ZNF718: variants seen among roughly 807,000 people sequenced by gnomAD.
ZNF718 encodes zinc finger protein 718.
Under a neutral mutation model 2.6 loss-of-function variants are expected in ZNF718, and 3 were observed. The observed-to-expected ratio is 1.16, with a 90% CI of 0.53 to 3.01. ZNF718 has a LOEUF of 3.01. Ranked by LOEUF, ZNF718 falls within the 30% of genes most tolerant of loss-of-function variation. ZNF718 has a pLI of 0.03. For missense variants in ZNF718, 468 were observed against 230.0 expected (o/e 2.03, Z -6.69); for synonymous variants, 135 against 77.9 (o/e 1.73, Z -3.86).
chr4:187,606 A>G (rs1412346026), intron 3 of ZNF718, among the ~76,000 whole-genome samples: 1 of 152,204 alleles, frequency 6.6e-6, no homozygotes, highest in Non-Finnish European at 1.5e-5. Flanking sequence ...GGCAGCATGC[A>G]CATTCCTCTG....
chr4:198,330 G>A (rs1247295014), intron 3 of ZNF718, among the ~76,000 whole-genome samples: 16 of 152,162 alleles, frequency 1.1e-4, no homozygotes, highest in Admixed American at 1.3e-4. Flanking sequence ...TCACAGGGAG[G>A]CATGAAGCCC....
At chr4:166,519 C>G (rs572826161), downstream of ZNF718, among the ~76,000 whole-genome samples, 1 of 152,302 alleles carries the variant, frequency 6.6e-6, no homozygotes, top group African/African-American at 2.4e-5. Context: ...CTGTTGTTTT[C>G]TGACTTTTTA....
At chr4:167,601 T>C (rs962163077), downstream of ZNF718, among the ~76,000 whole-genome samples, 1 of 152,168 alleles carries the variant, frequency 6.6e-6, no homozygotes, top group Non-Finnish European at 1.5e-5. Flanking sequence ...TATTTTATTC[T>C]CTTTGAAGCA....
At position 176,175 on chromosome 4, in the gene ZNF718, A is replaced by G. The variant is rs542366970; in HGVS notation, c.227-24906A>G. On this transcript the variant is annotated intron_variant and NMD_transcript_variant, in intron 3 of 4. Transcript: ENST00000642529. Reference sequence around the variant, plus strand: ...GCTCCACAAGCACTAATGTCTGCCAATTCCTCCTATGCCTCAACCCAGCTG... The same window carrying G: ...GCTCCACAAGCACTAATGTCTGCCAGTTCCTCCTATGCCTCAACCCAGCTG... 3.3e-5 allele frequency among the ~76,000 whole-genome samples: 5 copies of G among 152,226 alleles called. No homozygotes were observed. The East Asian group carries it at 5.8e-4, about 18-fold the overall frequency.
chr4:182,833 A>G (rs1255491889), intron 3 of ZNF718, among the ~76,000 whole-genome samples: 2 of 152,070 alleles, frequency 1.3e-5, no homozygotes, highest in Non-Finnish European at 2.9e-5. Context: ...TCCTTTGCCC[A>G]CTTTCAAATG....
Position 163,058 on chromosome 4 carries a change from T to C in ZNF718, c.*936T>C, listed in dbSNP as rs1553815975. On this transcript the variant is annotated 3_prime_UTR_variant, in exon 4 of 4. Transcript: ENST00000510175. ...TTTTTTTACCTGAAAAAATTATAGA[T>C]TTTTTGAAAAGCAAATTCAACTCTA... 1 of 152,224 alleles carries C rather than the reference T, an allele frequency of 6.6e-6. No homozygotes were observed. The highest frequency in any genetic ancestry group is 1.5e-5 in the Non-Finnish European group (1 of 68,036). The allele number at this position is 152,224 out of a possible 1,614,324, so 9.4% of individuals were successfully genotyped here.
At chr4:138,260 A>G (rs1715659613) in intron 3 of ZNF718, among the ~76,000 whole-genome samples, 1 of 152,128 alleles carries the variant, frequency 6.6e-6, no homozygotes, top group Non-Finnish European at 1.5e-5. Context: ...TCTACCCATT[A>G]ATCTTCCCCA....
chr4:173,466 C>T (rs1717280781), intron 3 of ZNF718, among the ~76,000 whole-genome samples: 1 of 152,056 alleles, frequency 6.6e-6, no homozygotes, highest in African/African-American at 2.4e-5. Context: ...CTTTGGGAAC[C>T]TCAGCTCAGC....
intron 3 of ZNF718, among the ~76,000 whole-genome samples, chr4:187,272 G>A (rs1717588703): frequency 6.6e-6 from 1 of 152,130 alleles, no homozygotes; most frequent in Non-Finnish European, 1.5e-5. Context: ...TGTAGCCCAA[G>A]CTGGAGTGCA....
At chr4:149,600 G>A (rs1716224907) in intron 3 of ZNF718, 1 of 152,036 alleles carries the variant, frequency 6.6e-6, no homozygotes, top group African/African-American at 2.4e-5. Context: ...GGTTTCACTT[G>A]AGGCAATTTA....
At chr4:184,434 A>G (rs992018244) in intron 3 of ZNF718, among the ~76,000 whole-genome samples, 1 of 152,090 alleles carries the variant, frequency 6.6e-6, no homozygotes, top group African/African-American at 2.4e-5. Context: ...GGATTTTTGC[A>G]TCCATGTTTA....
At chr4:137,567 C>T (rs531182386) in intron 3 of ZNF718, among the ~76,000 whole-genome samples, 55 of 152,202 alleles carry the variant, frequency 3.6e-4, no homozygotes, top group African/African-American at 1.3e-3. Context: ...GATAATACCT[C>T]ATTGTGGTTT....
chr4:145,290 T>G (rs1307833041), intron 3 of ZNF718, among the ~76,000 whole-genome samples: 2 of 152,206 alleles, frequency 1.3e-5, no homozygotes, highest in African/African-American at 2.4e-5. Context: ...GTTAGTAGTT[T>G]CTGTGTTTTA....
rs149231720 is a variant in ZNF718, at chr4:187,214, G to T, written c.227-13867G>T. Among the ~76,000 whole-genome samples, 797 of 151,412 alleles carry T rather than the reference G, an allele frequency of 5.3e-3. 4 individuals are homozygous for T. The highest frequency in any genetic ancestry group is 0.016 in the African/African-American group (660 of 41,352). On this transcript the variant is annotated intron_variant and NMD_transcript_variant, in intron 3 of 4. Transcript: ENST00000642529. The stretch of plus-strand genomic sequence containing the variant: ...TTTTTTTGTTTTTTTGTTTTTTGGG[G>T]TTTTTTTTGTTTTTGTTTTTGTTTT...
chr4:124,498 C>A, upstream of ZNF718: 3 of 835,776 alleles, frequency 3.6e-6, no homozygotes, highest in South Asian at 1.4e-5. Context: ...CGGGATCTGG[C>A]GCGGCTTTTG....
chr4:191,720 A>T (rs1196424169), intron 3 of ZNF718, among the ~76,000 whole-genome samples: 1 of 152,234 alleles, frequency 6.6e-6, no homozygotes, highest in Non-Finnish European at 1.5e-5. Context: ...TGGGTAAGTT[A>T]AAATATTTTG....
chr4:124,651 G>A lies in ZNF718; in HGVS notation c.-20G>A, dbSNP rs1715110606. 3 of 1,608,122 alleles carry A rather than the reference G, an allele frequency of 1.9e-6. No homozygotes were observed. Among genetic ancestry groups the A allele is most frequent in the Non-Finnish European group, 2.5e-6 (3 of 1,179,698 alleles). On this transcript the variant is annotated 5_prime_UTR_variant, in exon 1 of 4. Coordinates refer to ENST00000510175, the MANE Select transcript of ZNF718 (RefSeq NM_001039127.6). ...GGATGATTCGTATCTAAGACTCTGG[G>A]ACACTCCTGAAGTCGGGAAATGGTG... is the stretch of plus-strand genomic sequence containing the variant.
chr4:159,032 T>C (rs1553814318), intron 3 of ZNF718, among the ~76,000 whole-genome samples: 1 of 150,840 alleles, frequency 6.6e-6, no homozygotes, highest in Non-Finnish European at 1.5e-5. Flanking sequence ...ATTCTTTTTT[T>C]CTTTTTTCTT....
chr4:188,359 A>G (rs905178901), intron 3 of ZNF718, among the ~76,000 whole-genome samples: 2 of 152,186 alleles, frequency 1.3e-5, no homozygotes, highest in East Asian at 1.9e-4. Context: ...TCCAAAGCCA[A>G]CGTCCAAGCA....
Sources: allele counts gnomAD v4.1 joint callset (sites outside exome capture counted in the v4.1 genomes callset), GRCh38; gene constraint gnomAD v4.1.1; transcripts MANE v1.5; gene names NCBI Gene and HGNC (gene_info 2026-07-23, HGNC 2026-07-21).